COBLL1: variants seen among roughly 807,000 people sequenced by gnomAD.
COBLL1 encodes the protein cordon-bleu protein-like 1.
COBLL1 carries 50 observed loss-of-function variants against 94.8 expected under a neutral mutation model. The observed-to-expected ratio is 0.53, with a 90% CI of 0.42 to 0.67. The LOEUF (loss-of-function observed/expected upper bound fraction) is 0.67, where lower values mean the gene tolerates loss of function less well. Ranked by LOEUF, COBLL1 falls within the 30% of genes least tolerant of loss-of-function variation. The probability of loss-of-function intolerance (pLI) is 0.00; values close to 1 mark genes in which losing one functional copy is unlikely to be tolerated. For synonymous variants in COBLL1, 448 were observed against 473.8 expected (o/e 0.95, Z 0.71); for missense variants, 1,362 against 1,348.7 (o/e 1.01, Z -0.15).
At chr2:164,716,151 A>T (rs529383408) in intron 7 of COBLL1, among the ~76,000 whole-genome samples, 1 of 152,334 alleles carries the variant, frequency 6.6e-6, no homozygotes, top group African/African-American at 2.4e-5. Context: ...TACGGTGCAG[A>T]AACTAGATTT....
intron 2 of COBLL1, among the ~76,000 whole-genome samples, chr2:164,818,779 TATAC>T (rs58404568): frequency 0.16 from 23,937 of 148,400 alleles, 2,139 homozygotes; most frequent in Middle Eastern, 0.23. Context: ...CATATATATA[TATAC>T]ATATAATTTT....
intron 2 of COBLL1, among the ~76,000 whole-genome samples, chr2:164,795,993 C>T (rs12619449): frequency 0.19 from 28,182 of 152,068 alleles, 2,715 homozygotes; most frequent in Middle Eastern, 0.27. Flanking sequence ...CCTGGTGAGA[C>T]GCATGGTGGC....
At position 164,705,044 on chromosome 2, in the gene COBLL1, C is replaced by G. The variant is rs947385981; in HGVS notation, c.1058G>C (p.Gly353Ala). The part of the protein sequence containing the change: ...GSLQLSSMSA[G>A]NSSLRRTKRK... Reference sequence around the variant, plus strand: ...CTTTGTCCTTCTCAAAGATGAATTCCCTGCAGACATGCTGCTGAGCTGCAG... The same window carrying G: ...CTTTGTCCTTCTCAAAGATGAATTCGCTGCAGACATGCTGCTGAGCTGCAG... The change falls in exon 8 of 14, where the codon GGG (glycine) becomes GCG (alanine). Residue 353 changes from glycine to alanine, a missense_variant. Physicochemically the swap from Gly to Ala is moderately conservative, Grantham distance 60 (BLOSUM62 0). Coordinates refer to ENST00000652658, the MANE Select transcript of COBLL1 (RefSeq NM_001365672.2). The G allele has an allele frequency of 6.2e-7, 1 of 1,600,502 alleles. No homozygotes were observed. Among genetic ancestry groups the G allele is most frequent in the East Asian group, 2.3e-5 (1 of 43,908 alleles).
chr2:164,674,000 C>T lies in COBLL1; in HGVS notation n.127-8099G>A, dbSNP rs981048498. ...TTGTAGGAAGGTAGAATTGGTATTT[C>T]TAATGGTCTATGCCTCATTTAGTCA... is the stretch of plus-strand genomic sequence containing the variant. On this transcript the variant is annotated intron_variant and non_coding_transcript_variant, in intron 1 of 2. Coordinates refer to the COBLL1 transcript ENST00000495084. Among the ~76,000 whole-genome samples the T allele has an allele frequency of 2.6e-5, 4 of 152,232 alleles. No homozygotes were observed. The South Asian group carries it at 8.3e-4, about 32-fold the overall frequency.
chr2:164,819,194 A>G (rs985770667), intron 2 of COBLL1, among the ~76,000 whole-genome samples: 4 of 152,222 alleles, frequency 2.6e-5, no homozygotes, highest in African/African-American at 9.6e-5. Flanking sequence ...TAATAATCAA[A>G]TTAAAATGCT....
intron 2 of COBLL1, among the ~76,000 whole-genome samples, chr2:164,782,983 T>G (rs1266851423): frequency 6.6e-6 from 1 of 152,222 alleles, no homozygotes; most frequent in Non-Finnish European, 1.5e-5. Flanking sequence ...TTTCCCATTT[T>G]TTTTCATATA....
At chr2:164,737,904 G>A (rs1686395477) in intron 3 of COBLL1, among the ~76,000 whole-genome samples, 1 of 152,138 alleles carries the variant, frequency 6.6e-6, no homozygotes, top group African/African-American at 2.4e-5. Context: ...CTATGGGACA[G>A]GTAAATCAGG....
chr2:164,716,468 G>A lies in COBLL1; in HGVS notation c.996+5607C>T, dbSNP rs190888668. Among the ~76,000 whole-genome samples the A allele has an allele frequency of 9.9e-5, 15 of 152,210 alleles. No homozygotes were observed. The East Asian group carries it at 2.9e-3, about 29-fold the overall frequency. The stretch of plus-strand genomic sequence containing the variant: ...TCAAATGAACATTTTCATAGAAGAT[G>A]ATATATTCACCTTCATAGGAAAAAT... On this transcript the variant is annotated intron_variant, in intron 7 of 13. Coordinates refer to ENST00000652658, the MANE Select transcript of COBLL1 (RefSeq NM_001365672.2).
Position 164,789,020 on chromosome 2 carries a change from A to AACACACACACACACACACACAC in COBLL1, c.42-45167_42-45146dup, listed in dbSNP as rs56773751. ...GATTACCTGTAGGAGTAGAGGTTTA[A>AACACACACACACACACACACAC]ACACACACACACACACACACACACA... On this transcript the variant is annotated intron_variant, in intron 2 of 13. Transcript: ENST00000652658. Among the ~76,000 whole-genome samples the AACACACACACACACACACACAC allele has an allele frequency of 2.6e-3, 362 of 141,638 alleles. 1 individual carries two copies. The highest frequency in any genetic ancestry group is 4.1e-3 in the Non-Finnish European group (263 of 64,820). 92.9% of individuals were successfully genotyped at this position (141,638 alleles called of 152,430 possible).
intron 7 of COBLL1, among the ~76,000 whole-genome samples, chr2:164,711,477 A>C (rs1684896507): frequency 6.6e-6 from 1 of 152,208 alleles, no homozygotes; most frequent in Non-Finnish European, 1.5e-5. Flanking sequence ...TTCAGGAACC[A>C]ATGCTTAGTC....
At chr2:164,728,281 C>T (rs1685818377) in intron 4 of COBLL1, 84 bp from the exon 5 acceptor site, 1 of 827,394 alleles carries the variant, frequency 1.2e-6, no homozygotes, top group Admixed American at 2.3e-5. Context: ...ATGAGATAAC[C>T]TACAGTTACA....
At chr2:164,800,792 G>C (rs1217907503) in intron 2 of COBLL1, among the ~76,000 whole-genome samples, 2 of 152,128 alleles carry the variant, frequency 1.3e-5, no homozygotes, top group Non-Finnish European at 2.9e-5. Context: ...GTGAAAAAAA[G>C]TCTCAAAAGG....
intron 1 of COBLL1, among the ~76,000 whole-genome samples, chr2:164,667,710 A>G (rs1691183561): frequency 6.6e-6 from 1 of 152,176 alleles, no homozygotes; most frequent in Non-Finnish European, 1.5e-5. Context: ...CTCAGCCTTC[A>G]TAGAATTGAC....
chr2:164,722,396 T>TA (rs1474252260), intron 6 of COBLL1, 29 bp downstream of exon 6: 1 of 1,498,756 alleles, frequency 6.7e-7, no homozygotes, highest in Non-Finnish European at 9.0e-7. Context: ...TGAAGAATCT[T>TA]ACAAAATGCA....
chr2:164,692,687 G>T, intron 12 of COBLL1: 1 of 222,970 alleles, frequency 4.5e-6, no homozygotes, highest in Non-Finnish European at 8.7e-6. Context: ...AAATACTGCT[G>T]ACTTCACCAA....
Position 164,841,220 on chromosome 2 carries a change from C to G in COBLL1, c.-24G>C, listed in dbSNP as rs1203929061. The G allele has an allele frequency of 5.7e-6, 7 of 1,231,124 alleles. No homozygotes were observed. The African/African-American group carries it at 7.8e-5, about 14-fold the overall frequency. The allele number at this position is 1,231,124 out of a possible 1,614,324, so 76.3% of individuals were successfully genotyped here. A position where few individuals can be genotyped will look rare whatever the true frequency, so the allele number is the denominator to read the frequency against. On this transcript the variant is annotated 5_prime_UTR_variant, in exon 2 of 14. Transcript: ENST00000652658. The surrounding 1 kb of genome is among the most constrained non-coding windows in gnomAD (Gnocchi z 5.5). Reference sequence around the variant, plus strand: ...ATCGCCCTGCGGGGCGCTGCGCGGGCTCCAGCTCCCAGGCGGCGCGTCACT... The same window carrying G: ...ATCGCCCTGCGGGGCGCTGCGCGGGGTCCAGCTCCCAGGCGGCGCGTCACT...
intron 2 of COBLL1, among the ~76,000 whole-genome samples, chr2:164,752,298 C>A (rs561674407): frequency 6.6e-6 from 1 of 152,248 alleles, no homozygotes; most frequent in South Asian, 2.1e-4. Flanking sequence ...AAGGAACTTG[C>A]CTAAGGTTCC....
chr2:164,822,953 G>A (rs531695262), intron 2 of COBLL1, among the ~76,000 whole-genome samples: 154 of 151,938 alleles, frequency 1.0e-3, no homozygotes, highest in Non-Finnish European at 5.0e-4. Context: ...ATATTTAGGA[G>A]AGACGGAATA....
In COBLL1 at chr2:164,673,679, A is replaced by AAAAT. The variant is rs1020742397; in HGVS notation, n.127-7782_127-7779dup. 8.5e-5 allele frequency among the ~76,000 whole-genome samples: 13 copies of AAAAT among 152,156 alleles called. No individual in the cohort carries two copies. In the East Asian group the frequency reaches 1.2e-3, roughly 14 times the overall value. ...AAAGAGACTCTGTTTCAAAAAAATA[A>AAAAT]AAATAAATAAATAAATAAATAAACT... On this transcript the variant is annotated intron_variant and non_coding_transcript_variant, in intron 1 of 2. Coordinates refer to the COBLL1 transcript ENST00000495084.
Sources: gnomAD v4.1 joint callset for allele counts (sites outside exome capture counted in the v4.1 genomes callset) on GRCh38, gnomAD v4.1.1 for gene constraint, Gnocchi (gnomAD v3.1) non-coding constraint, MANE v1.5 for transcripts, NCBI Gene and HGNC (gene_info 2026-07-23, HGNC 2026-07-21) for gene names.